Variants in SNTG2 observed in about 807,000 individuals in gnomAD.
SNTG2 encodes syntrophin gamma 2, also known as gamma-2-syntrophin.
In SNTG2, 74 loss-of-function variants were observed where a neutral mutation model predicts 70.9. The ratio of observed to expected loss-of-function variants is 1.04; its 90% CI spans 0.86 to 1.27. The LOEUF is 1.27. Ranked by LOEUF, SNTG2 falls within the 50% of genes most tolerant of loss-of-function variation. The pLI, the probability that SNTG2 is intolerant of heterozygous loss-of-function variation, is 0.00. For synonymous variants in SNTG2, 278 were observed against 273.8 expected (o/e 1.02, Z -0.15); for missense variants, 717 against 690.7 (o/e 1.04, Z -0.43).
rs540473080 is a variant in SNTG2, at chr2:1,239,769, C to T, written c.881C>T (p.Ser294Phe). The part of the protein sequence containing the change: ...MKMANKCCSP[S>F]DQVVHMGWVN... Reference sequence around the variant, plus strand: ...ATGGCGAACAAATGCTGCTCTCCTTCCGACCAGGTAGGGTTTGTATTTTCT... The same window carrying T: ...ATGGCGAACAAATGCTGCTCTCCTTTCGACCAGGTAGGGTTTGTATTTTCT... Residue 294 changes from serine (S) to phenylalanine (F), a missense_variant, in exon 11 of 17, where the codon TCC becomes TTC. Coordinates refer to ENST00000308624, the MANE Select transcript of SNTG2 (RefSeq NM_018968.4). 3 of 1,613,424 alleles carry T rather than the reference C, an allele frequency of 1.9e-6. No individual in the cohort carries two copies. Among genetic ancestry groups the T allele is most frequent in the South Asian group, 1.1e-5 (1 of 90,746 alleles).
intron 1 of SNTG2, among the ~76,000 whole-genome samples, chr2:963,696 G>T (rs577487489): frequency 6.6e-6 from 1 of 151,910 alleles, no homozygotes. Context: ...ATAGTGCCTG[G>T]CCCATACTAG....
At chr2:1,237,103 C>T (rs544985218) in intron 9 of SNTG2, among the ~76,000 whole-genome samples, 1 of 151,808 alleles carries the variant, frequency 6.6e-6, no homozygotes, top group Non-Finnish European at 1.5e-5. Flanking sequence ...CCACCATGCC[C>T]GGCTAATTTT....
intron 11 of SNTG2, among the ~76,000 whole-genome samples, chr2:1,242,300 T>C (rs963345263): frequency 3.3e-5 from 5 of 152,232 alleles, no homozygotes; most frequent in Non-Finnish European, 5.9e-5. Context: ...AATTGTGAGA[T>C]AATTGTTAAT....
At chr2:1,045,429 G>A (rs1474355123) in intron 1 of SNTG2, among the ~76,000 whole-genome samples, 1 of 151,872 alleles carries the variant, frequency 6.6e-6, no homozygotes, top group Non-Finnish European at 1.5e-5. Context: ...TAGCTTTGGG[G>A]CTTGTTTGCT....
At chr2:1,077,845 A>G (rs971407820) in intron 1 of SNTG2, among the ~76,000 whole-genome samples, 6 of 152,178 alleles carry the variant, frequency 3.9e-5, no homozygotes, top group African/African-American at 1.4e-4. Flanking sequence ...CAGTAGTCTG[A>G]AGATCTTTCT....
At chr2:1,117,949 C>G (rs1369538641) in intron 4 of SNTG2, among the ~76,000 whole-genome samples, 1 of 152,180 alleles carries the variant, frequency 6.6e-6, no homozygotes, top group Non-Finnish European at 1.5e-5. Context: ...ATCCCAAGAG[C>G]TGAGCTTCTG....
Position 1,098,422 on chromosome 2 carries a change from C to T in SNTG2, c.325+12C>T. 1 of 1,613,622 alleles carries T rather than the reference C, an allele frequency of 6.2e-7. No individual in the cohort carries two copies. The highest frequency in any genetic ancestry group is 8.5e-7 in the Non-Finnish European group (1 of 1,179,616). On this transcript the variant is annotated intron_variant, in intron 4 of 16. Coordinates refer to ENST00000308624, the MANE Select transcript of SNTG2 (RefSeq NM_018968.4). ...CGAAGACCAAGCAGGTAAAAACAGCCAAAATGACCTGTGTATGCATCACAG... is the reference window on the plus strand; with the variant it reads ...CGAAGACCAAGCAGGTAAAAACAGCTAAAATGACCTGTGTATGCATCACAG...
intron 1 of SNTG2, among the ~76,000 whole-genome samples, chr2:1,022,912 T>C (rs1443038976): frequency 6.6e-6 from 1 of 151,936 alleles, no homozygotes; most frequent in Non-Finnish European, 1.5e-5. Context: ...GTCTGGAGAG[T>C]TAAGATTTAC....
chr2:1,135,567 A>G (rs1668327468), intron 4 of SNTG2, among the ~76,000 whole-genome samples: 1 of 152,128 alleles, frequency 6.6e-6, no homozygotes. Context: ...TAAAAATACA[A>G]AAAAATTGGC....
intron 12 of SNTG2, among the ~76,000 whole-genome samples, chr2:1,255,853 A>AATATATAAAAAT (rs1485222600): frequency 2.7e-3 from 105 of 39,540 alleles, no homozygotes; most frequent in Middle Eastern, 0.017. Flanking sequence ...AATATATATA[A>AATATATAAAAAT]ATATATATAA....
chr2:1,247,361 A>C lies in SNTG2; in HGVS notation c.923A>C (p.Gln308Pro). The change falls in exon 12 of 17, where the codon CAA becomes CCA. Residue 308 changes from glutamine to proline, a missense_variant. Coordinates refer to ENST00000308624, the MANE Select transcript of SNTG2 (RefSeq NM_018968.4). ...ATGGGGTGGGTAAATGAGAAACTCC[A>C]AGGAGCTGACTCCTCTCAAACCTTC... ...VHMGWVNEKL[Q>P]GADSSQTFRP... The C allele has an allele frequency of 6.2e-7, 1 of 1,613,926 alleles. No individual in the cohort carries two copies.
chr2:1,308,531 T>C lies in SNTG2; in HGVS notation c.1322T>C (p.Leu441Pro), dbSNP rs1290345995. ...TYMCSWQGEM[L>P]CFTVDFALGF... ...ATGTGCAGCTGGCAAGGAGAGATGCTGTGTTTCACGGTGGATTTCGCGTTG... is the reference window on the plus strand; with the variant it reads ...ATGTGCAGCTGGCAAGGAGAGATGCCGTGTTTCACGGTGGATTTCGCGTTG... The change falls in exon 15 of 17, where the codon CTG (leucine) becomes CCG (proline). Residue 441 changes from leucine to proline, a missense_variant. Coordinates refer to ENST00000308624, the MANE Select transcript of SNTG2 (RefSeq NM_018968.4). 2 of 1,551,738 alleles carry C rather than the reference T, an allele frequency of 1.3e-6. No homozygotes were observed. The highest frequency in any genetic ancestry group is 2.4e-5 in the South Asian group (2 of 84,054).
intron 1 of SNTG2, among the ~76,000 whole-genome samples, chr2:1,055,424 C>A (rs1384149740): frequency 6.6e-6 from 1 of 152,110 alleles, no homozygotes; most frequent in Non-Finnish European, 1.5e-5. Flanking sequence ...AGGCTCACGA[C>A]CTGCCTTGTG....
At chr2:1,080,652 C>G (rs1664229659) in intron 1 of SNTG2, among the ~76,000 whole-genome samples, 1 of 145,012 alleles carries the variant, frequency 6.9e-6, no homozygotes, top group African/African-American at 2.6e-5. Context: ...GTGTTTGTGT[C>G]TGTGTGTGTG....
intron 1 of SNTG2, among the ~76,000 whole-genome samples, chr2:994,877 CAT>C (rs1276184332): frequency 6.6e-6 from 1 of 150,904 alleles, no homozygotes; most frequent in Non-Finnish European, 1.5e-5. Flanking sequence ...TAATTGCAAA[CAT>C]ATATAAATAC....
At chr2:1,281,051 G>A (rs966083671) in intron 14 of SNTG2, among the ~76,000 whole-genome samples, 3 of 152,156 alleles carry the variant, frequency 2.0e-5, no homozygotes, top group South Asian at 4.1e-4. Context: ...TGTGCTTGTC[G>A]CGGGGTCAAG....
At chr2:1,033,099 C>A (rs558645558) in intron 1 of SNTG2, among the ~76,000 whole-genome samples, 5 of 152,182 alleles carry the variant, frequency 3.3e-5, no homozygotes, top group Non-Finnish European at 7.3e-5. Flanking sequence ...TGGCACTGAA[C>A]CACTTACGAG....
chr2:1,079,669 G>C (rs1664153889), intron 1 of SNTG2, among the ~76,000 whole-genome samples: 1 of 152,076 alleles, frequency 6.6e-6, no homozygotes, highest in Non-Finnish European at 1.5e-5. Context: ...CTCGGTCATG[G>C]AAACTGTTCT....
intron 16 of SNTG2, among the ~76,000 whole-genome samples, chr2:1,334,231 A>G (rs575617542): frequency 5.3e-5 from 8 of 152,230 alleles, no homozygotes; most frequent in Non-Finnish European, 1.0e-4. Flanking sequence ...TGCAAATTAA[A>G]ACCACAACAT....
Sources: allele counts gnomAD v4.1 joint callset (sites outside exome capture counted in the v4.1 genomes callset), GRCh38; gene constraint gnomAD v4.1.1; transcripts MANE v1.5; gene names NCBI Gene and HGNC (gene_info 2026-07-23, HGNC 2026-07-21).